APC2: variants seen among roughly 807,000 people sequenced by gnomAD.
APC2 encodes APC regulator of Wnt signaling pathway 2.
In APC2, 41 loss-of-function variants were observed where a neutral mutation model predicts 72.5. The ratio of observed to expected loss-of-function variants is 0.57; its 90% CI spans 0.44 to 0.73. The LOEUF is 0.73. Ranked by LOEUF, APC2 falls within the 30% of genes least tolerant of loss-of-function variation. APC2 has a pLI of 0.00. For synonymous variants in APC2, 1,898 were observed against 1,612.0 expected (o/e 1.18, Z -4.25); for missense variants, 3,729 against 3,403.4 (o/e 1.10, Z -2.38).
chr19:1,446,746 G>A (rs1325011541), upstream of APC2, among the ~76,000 whole-genome samples: 6 of 152,120 alleles, frequency 3.9e-5, no homozygotes, highest in African/African-American at 1.2e-4. The surrounding 1 kb of genome is among the most constrained non-coding windows in gnomAD (Gnocchi z 6.1). Flanking sequence ...CCTGGGCCAC[G>A]CCCTGCGCTT....
chr19:1,453,242 T>C lies in APC2; in HGVS notation c.142-5T>C. 1.3e-6 allele frequency: 2 copies of C among 1,560,492 alleles called. No individual in the cohort carries two copies. The highest frequency in any genetic ancestry group is 1.7e-6 in the Non-Finnish European group (2 of 1,152,510). On this transcript the variant is annotated splice_region_variant and splice_polypyrimidine_tract_variant and intron_variant, in intron 2 of 14. Coordinates refer to ENST00000590469, the MANE Select transcript of APC2 (RefSeq NM_005883.3). Reference sequence around the variant, plus strand: ...GGCTTCCCGCCCTCTTTCCCGCCCCTGCAGGAGGTCCTGAAGCACCTACAG... The same window carrying C: ...GGCTTCCCGCCCTCTTTCCCGCCCCCGCAGGAGGTCCTGAAGCACCTACAG...
chr19:1,447,393 G>T (rs954648441), upstream of APC2, among the ~76,000 whole-genome samples: 3 of 152,198 alleles, frequency 2.0e-5, no homozygotes, highest in Non-Finnish European at 4.4e-5. Flanking sequence ...CTTGCGGGGA[G>T]GTGTCACAGG....
intron 14 of APC2, among the ~76,000 whole-genome samples, chr19:1,464,652 G>A (rs1378111757): frequency 3.2e-5 from 1 of 31,296 alleles, no homozygotes; most frequent in Non-Finnish European, 5.4e-5. Context: ...TTTTTTTTTT[G>A]AGATGGATTC....
rs368648350 is a variant in APC2, at chr19:1,453,409, C to T, written c.233-22C>T. ...AAAGGCAGGCAGGGCCGCTGACCTC[C>T]GCCCTGTCCCCGCCCATCCAGCCCT... On this transcript the variant is annotated intron_variant, in intron 3 of 14. Transcript: ENST00000590469. The T allele has an allele frequency of 7.7e-5, 123 of 1,607,140 alleles. No homozygotes were observed. The African/African-American group carries it at 8.0e-4, about 10-fold the overall frequency.
In APC2 at chr19:1,469,726, C is replaced by G. The variant is rs1013882237; in HGVS notation, c.6425C>G (p.Pro2142Arg). The G allele has an allele frequency of 4.8e-6, 7 of 1,455,942 alleles. No homozygotes were observed. The African/African-American group carries it at 5.9e-5, about 12-fold the overall frequency. The allele number at this position is 1,455,942 out of a possible 1,614,324, so 90.2% of individuals were successfully genotyped here. A position where few individuals can be genotyped will look rare whatever the true frequency, so the allele number is the denominator to read the frequency against. ...CGGCCGCTCCCCAGGGTGGCCGCGC[C>G]GGGCACGACCTGGCGGCGCATCCGA... ...EPRPLPRVAA[P>R]GTTWRRIRDE... Residue 2142 changes from proline to arginine, a missense_variant, in exon 15 of 15, where the codon CCG becomes CGG. Pro to Arg is a moderately radical substitution (Grantham distance 103). Transcript: ENST00000590469.
At position 1,453,161 on chromosome 19, in the gene APC2, G is replaced by A. The variant is rs73516808; in HGVS notation, c.141+19G>A. On this transcript the variant is annotated intron_variant, in intron 2 of 14. Transcript: ENST00000590469. ...CATGAAGGTGGGGGCCTACATGGAG[G>A]AGGTGGGCTAGGGTCCCGGGGTGGT... 20,655 of 1,591,302 alleles carry A rather than the reference G, an allele frequency of 0.013. 2,197 individuals are homozygous for A. In the African/African-American group the frequency reaches 0.24, roughly 18 times the overall value.
chr19:1,461,940 C>T, intron 13 of APC2, 23 bp from the exon 14 acceptor site: 1 of 1,588,520 alleles, frequency 6.3e-7, no homozygotes. Flanking sequence ...CCCTGACCCG[C>T]CCCTCTCCCG....
In APC2 at chr19:1,466,355, G is replaced by A. The variant is rs776329827; in HGVS notation, c.3054G>A (p.Gly1018=). The part of the protein sequence containing the change: ...ASRAGAEPLA[G]PGISPGARKQ... ...GGGCGGGTGCAGAGCCCCTCGCGGG[G>A]CCTGGAATCTCTCCAGGGGCCCGGA... The change falls in exon 15 of 15, where the codon GGG becomes GGA. Residue 1018 remains glycine, a synonymous_variant. Coordinates refer to ENST00000590469, the MANE Select transcript of APC2 (RefSeq NM_005883.3). 1.9e-6 allele frequency: 3 copies of A among 1,566,866 alleles called. No individual in the cohort carries two copies. The highest frequency in any genetic ancestry group is 2.6e-6 in the Non-Finnish European group (3 of 1,159,644).
At chr19:1,464,651 T>G (rs1459120616) in intron 14 of APC2, among the ~76,000 whole-genome samples, 2 of 148,856 alleles carry the variant, frequency 1.3e-5, no homozygotes, top group African/African-American at 2.5e-5. Context: ...TTTTTTTTTT[T>G]GAGATGGATT....
rs754509273 is a variant in APC2, at chr19:1,468,231, G to T, written c.4930G>T (p.Val1644Leu). The stretch of plus-strand genomic sequence containing the variant: ...GGCCCTGCCCAGGCGCCGGCCCCCC[G>T]TGTCTGGCCTGCGGCGCCGCAAGCC... ...SSALPRRRPP[V>L]SGLRRRKPRA... Residue 1644 changes from valine to leucine, a missense_variant, in exon 15 of 15, where the codon GTG becomes TTG. Transcript: ENST00000590469. 1.0e-5 allele frequency: 15 copies of T among 1,485,878 alleles called. No individual in the cohort carries two copies. The South Asian group carries it at 1.9e-4, about 19-fold the overall frequency. The allele number at this position is 1,485,878 out of a possible 1,614,324, so 92.0% of individuals were successfully genotyped here.
rs755873166 is a variant in APC2 at position 1,466,620 on chromosome 19, G to A, written c.3319G>A (p.Glu1107Lys). The A allele has an allele frequency of 1.1e-5, 17 of 1,523,894 alleles. No homozygotes were observed. The highest frequency in any genetic ancestry group is 2.4e-5 in the East Asian group (1 of 42,006). 94.4% of individuals were successfully genotyped at this position (1,523,894 alleles called of 1,614,324 possible). A position where few individuals can be genotyped will look rare whatever the true frequency, so the allele number is the denominator to read the frequency against. ...LEGLEEAGPS[E>K]AELDSTWRAP... ...GGGGCTGGAGGAGGCCGGCCCCAGCGAGGCTGAGCTGGACAGCACGTGGCG... is the reference window on the plus strand; with the variant it reads ...GGGGCTGGAGGAGGCCGGCCCCAGCAAGGCTGAGCTGGACAGCACGTGGCG... Residue 1107 changes from glutamate to lysine, a missense_variant, in exon 15 of 15, where the codon GAG becomes AAG. Transcript: ENST00000590469.
At position 1,457,262 on chromosome 19, in the gene APC2, GGGCCCCCTCCGC is replaced by G; in HGVS notation, c.1207+21_1207+32del. ...GGCAGCGGTGAGTGCCTGGCCTGGT[GGGCCCCCTCCGC>G]GCAATTAACGTGCAGCTAGGGCTTC... is the stretch of plus-strand genomic sequence containing the variant. On this transcript the variant is annotated intron_variant, in intron 9 of 14. Transcript: ENST00000590469. The G allele has an allele frequency of 6.7e-7, 1 of 1,498,840 alleles. No individual in the cohort carries two copies. Among genetic ancestry groups the G allele is most frequent in the Non-Finnish European group, 8.8e-7 (1 of 1,130,226 alleles). 92.8% of individuals were successfully genotyped at this position (1,498,840 alleles called of 1,614,324 possible).
rs377170799 is a variant in APC2 at position 1,461,157 on chromosome 19, G to A, written c.1638+4G>A. Reference sequence around the variant, plus strand: ...GTGTGTCCTGCGGGCCACCAAGGTGGGCACCCGGTGGGCGGCAGGGATGCT... The same window carrying A: ...GTGTGTCCTGCGGGCCACCAAGGTGAGCACCCGGTGGGCGGCAGGGATGCT... On this transcript the variant is annotated splice_donor_region_variant and intron_variant, in intron 13 of 14. Coordinates refer to ENST00000590469, the MANE Select transcript of APC2 (RefSeq NM_005883.3). 50 of 1,607,332 alleles carry A rather than the reference G, an allele frequency of 3.1e-5. 1 individual carries two copies. In the African/African-American group the frequency reaches 5.9e-4, roughly 19 times the overall value.
chr19:1,448,526 AC>A (rs1010649833), upstream of APC2, among the ~76,000 whole-genome samples: 8 of 148,268 alleles, frequency 5.4e-5, no homozygotes, highest in African/African-American at 2.0e-4. Context: ...AGCCTGGGGG[AC>A]AGAGCAAGAC....
rs774961503 is a variant in APC2 at position 1,455,452 on chromosome 19, G to A, written c.591G>A (p.Leu197=). ...TCGAGGCCCAGCACATCCGCTCGCT[G>A]ATGGAGGAGCGCTTCGGCACCTCGG... ...LEFEAQHIRS[L]MEERFGTSDE... is the part of the protein sequence containing the mutation. Residue 197 remains leucine (L), a synonymous_variant, in exon 6 of 15, where the codon CTG becomes CTA. Transcript: ENST00000590469. The A allele has an allele frequency of 2.5e-6, 4 of 1,606,810 alleles. No individual in the cohort carries two copies. The South Asian group carries it at 4.5e-5, about 18-fold the overall frequency.
At chr19:1,460,882 C>G (rs1302488753) in intron 12 of APC2, 25 bp downstream of exon 12, 8 of 1,612,274 alleles carry the variant, frequency 5.0e-6, no homozygotes, top group South Asian at 3.3e-5. Flanking sequence ...GCTGGGAAAG[C>G]CTTCCAGGGT....
In APC2 at chr19:1,468,106, G is replaced by C. The variant is rs774294136; in HGVS notation, c.4805G>C (p.Arg1602Pro). 7.2e-6 allele frequency: 11 copies of C among 1,523,566 alleles called. No individual in the cohort carries two copies. The highest frequency in any genetic ancestry group is 5.7e-5 in the African/African-American group (4 of 69,824). 94.4% of individuals were successfully genotyped at this position (1,523,566 alleles called of 1,614,324 possible). The part of the protein sequence containing the change: ...SEPPAVHPRG[R>P]EPAVTKDPGP... ...CCGCCGGCCGTCCATCCACGAGGCC[G>C]GGAGCCCGCGGTCACCAAGGACCCG... Residue 1602 changes from arginine to proline, a missense_variant, in exon 15 of 15, where the codon CGG becomes CCG. Transcript: ENST00000590469.
rs369974766 is a variant in APC2 at position 1,461,110 on chromosome 19, G to C, written c.1595G>C (p.Gly532Ala). The change falls in exon 13 of 15, where the codon GGC becomes GCC. Residue 532 changes from glycine (G) to alanine (A), a missense_variant. Coordinates refer to ENST00000590469, the MANE Select transcript of APC2 (RefSeq NM_005883.3). ...INSKKVLREAGSVTALVQCVL... is the reference protein window; with the variant it reads ...INSKKVLREAASVTALVQCVL... ...AGCAAGAAGGTGCTGAGGGAGGCGGGCAGCGTGACTGCCCTGGTGCAGTGT... is the reference window on the plus strand; with the variant it reads ...AGCAAGAAGGTGCTGAGGGAGGCGGCCAGCGTGACTGCCCTGGTGCAGTGT... 1 of 1,612,908 alleles carries C rather than the reference G, an allele frequency of 6.2e-7. No homozygotes were observed. The highest frequency in any genetic ancestry group is 8.5e-7 in the Non-Finnish European group (1 of 1,180,040).
intron 6 of APC2, 48 bp from the exon 7 acceptor site, chr19:1,456,028 C>G: frequency 6.8e-7 from 1 of 1,474,672 alleles, no homozygotes; most frequent in South Asian, 1.3e-5. Context: ...GGGTCAGAGC[C>G]GGGGGCGGGG....
Sources: allele counts gnomAD v4.1 joint callset (sites outside exome capture counted in the v4.1 genomes callset), GRCh38; gene constraint gnomAD v4.1.1; non-coding constraint Gnocchi (gnomAD v3.1); transcripts MANE v1.5; gene names NCBI Gene and HGNC (gene_info 2026-07-23, HGNC 2026-07-21).